The following ESRRG variants were observed in gnomAD, a reference collection of about 807,000 sequenced individuals.
ESRRG encodes the protein estrogen-related receptor gamma.
Under a neutral mutation model 44.0 loss-of-function variants are expected in ESRRG, and 13 were observed. The observed-to-expected ratio is 0.30, with a 90% CI of 0.19 to 0.47. The LOEUF (loss-of-function observed/expected upper bound fraction) is 0.47, where lower values mean the gene tolerates loss of function less well. Ranked by LOEUF, ESRRG falls within the 20% of genes least tolerant of loss-of-function variation. The pLI, the probability that ESRRG is intolerant of heterozygous loss-of-function variation, is 1.00. For synonymous variants in ESRRG, 215 were observed against 214.6 expected (o/e 1.00, Z -0.02); for missense variants, 395 against 580.6 (o/e 0.68, Z 3.29).
chr1:217,034,935 C>T (rs147494510), intron 1 of ESRRG, among the ~76,000 whole-genome samples: 166 of 152,244 alleles, frequency 1.1e-3, no homozygotes, highest in African/African-American at 3.7e-3. Flanking sequence ...TGGAAAATAA[C>T]GCCTTCTAGG....
chr1:217,005,452 C>T (rs747089985), intron 1 of ESRRG, among the ~76,000 whole-genome samples: 3 of 152,118 alleles, frequency 2.0e-5, no homozygotes, highest in Non-Finnish European at 4.4e-5. Flanking sequence ...ATTTCAATCA[C>T]AACTGTTGCT....
chr1:216,716,144 A>T (rs1575676939), intron 1 of ESRRG, among the ~76,000 whole-genome samples: 1 of 152,024 alleles, frequency 6.6e-6, no homozygotes, highest in East Asian at 1.9e-4. Context: ...CCACTTCTTC[A>T]AGTTTTTATT....
At chr1:216,591,125 C>T (rs368051848) in intron 3 of ESRRG, among the ~76,000 whole-genome samples, 2 of 152,152 alleles carry the variant, frequency 1.3e-5, no homozygotes, top group East Asian at 3.8e-4. Flanking sequence ...AGAATTAGGG[C>T]TGGTCACCAG....
intron 1 of ESRRG, among the ~76,000 whole-genome samples, chr1:217,131,496 TA>T (rs2092965790): frequency 6.6e-6 from 1 of 152,218 alleles, no homozygotes; most frequent in African/African-American, 2.4e-5. Context: ...AATCCAAACA[TA>T]TCTGGTTCAT....
intron 2 of ESRRG, among the ~76,000 whole-genome samples, chr1:216,939,032 A>G (rs2064668243): frequency 6.6e-6 from 1 of 152,190 alleles, no homozygotes; most frequent in Non-Finnish European, 1.5e-5. Flanking sequence ...AGATATCTCT[A>G]GAAAGAAATG....
intron 5 of ESRRG, among the ~76,000 whole-genome samples, chr1:216,537,630 A>T (rs884118): frequency 0.24 from 36,534 of 151,840 alleles, 5,445 homozygotes; most frequent in African/African-American, 0.42. Context: ...TTTAAGTGAG[A>T]TGGGAAGTCA....
chr1:216,839,874 A>T (rs1577114179), intron 2 of ESRRG, among the ~76,000 whole-genome samples: 1 of 152,226 alleles, frequency 6.6e-6, no homozygotes, highest in East Asian at 1.9e-4. Context: ...TTAGTAAACC[A>T]TTCTGTAAAC....
intron 1 of ESRRG, among the ~76,000 whole-genome samples, chr1:216,962,749 C>G (rs1188790441): frequency 1.3e-5 from 2 of 152,132 alleles, no homozygotes; most frequent in Non-Finnish European, 1.5e-5. Context: ...TAAAAAGACA[C>G]TGTATTTCAG....
intron 1 of ESRRG, among the ~76,000 whole-genome samples, chr1:216,943,884 G>T (rs890427077): frequency 2.6e-5 from 4 of 152,056 alleles, no homozygotes; most frequent in Non-Finnish European, 5.9e-5. Flanking sequence ...ATCTTGGGCA[G>T]GCACAGGATA....
At chr1:216,618,374 G>T (rs960189710) in intron 3 of ESRRG, among the ~76,000 whole-genome samples, 4 of 152,164 alleles carry the variant, frequency 2.6e-5, no homozygotes, top group African/African-American at 9.7e-5. Context: ...AGAATCAGGG[G>T]TTCAATCTAT....
intron 2 of ESRRG, among the ~76,000 whole-genome samples, chr1:216,783,565 G>T (rs746768142): frequency 6.6e-6 from 1 of 151,818 alleles, no homozygotes; most frequent in Non-Finnish European, 1.5e-5. Flanking sequence ...ATATCTTCTC[G>T]TGCTAAAAGA....
rs1487706353 is a variant in ESRRG at position 216,700,155 on chromosome 1, C to A, written c.57-22664G>T. Among the ~76,000 whole-genome samples, 3 of 151,168 alleles carry A rather than the reference C, an allele frequency of 2.0e-5. No individual in the cohort carries two copies. In the East Asian group the frequency reaches 5.8e-4, roughly 29 times the overall value. The stretch of plus-strand genomic sequence containing the variant: ...TTTTTTAACCTCACTAGCTTAGATA[C>A]CTCGCTTAACTATTAAGCGGGGAGT... On this transcript the variant is annotated intron_variant, in intron 1 of 6. Coordinates refer to ENST00000408911, the MANE Select transcript of ESRRG (RefSeq NM_001438.4).
intron 3 of ESRRG, among the ~76,000 whole-genome samples, chr1:216,588,089 A>G (rs1263922557): frequency 6.6e-6 from 1 of 152,170 alleles, no homozygotes. Context: ...GTACATTAAC[A>G]TGTATTCCCC....
At position 216,625,949 on chromosome 1, in the gene ESRRG, C is replaced by T. The variant is rs565301053; in HGVS notation, c.589+25024G>A. Among the ~76,000 whole-genome samples, 120 of 152,264 alleles carry T rather than the reference C, an allele frequency of 7.9e-4. No individual in the cohort carries two copies. The Middle Eastern group carries it at 0.01, about 13-fold the overall frequency. On this transcript the variant is annotated intron_variant, in intron 3 of 6. Transcript: ENST00000408911. ...TCCGTATGCCTTTCTCTCTCTGACT[C>T]CTCTCTCACTCCCTCTGTCTGTTTT...
chr1:217,089,036 A>G (rs2092266514), intron 1 of ESRRG, among the ~76,000 whole-genome samples: 1 of 152,032 alleles, frequency 6.6e-6, no homozygotes, highest in African/African-American at 2.4e-5. Context: ...AGCAGCAGCA[A>G]TCACCAGAAG....
At chr1:216,770,225 G>A (rs1189568660) in intron 2 of ESRRG, among the ~76,000 whole-genome samples, 1 of 152,026 alleles carries the variant, frequency 6.6e-6, no homozygotes, top group Non-Finnish European at 1.5e-5. Context: ...TAGGAAATCT[G>A]GTGGTCTATA....
upstream of ESRRG, among the ~76,000 whole-genome samples, chr1:216,723,742 T>G (rs1203571688): frequency 9.9e-5 from 15 of 152,074 alleles, no homozygotes; most frequent in Non-Finnish European, 1.6e-4. Flanking sequence ...TTTCTTTTTT[T>G]TTTCTTCTGG....
chr1:216,998,353 T>C (rs1305815476), intron 1 of ESRRG, among the ~76,000 whole-genome samples: 9 of 152,196 alleles, frequency 5.9e-5, no homozygotes, highest in Non-Finnish European at 1.2e-4. Context: ...AAATTTTGAA[T>C]GTTAACAACA....
intron 2 of ESRRG, among the ~76,000 whole-genome samples, chr1:216,791,488 C>G (rs140613045): frequency 6.6e-6 from 1 of 152,052 alleles, no homozygotes; most frequent in African/African-American, 2.4e-5. Flanking sequence ...TTTTTTATAG[C>G]AGTGCAGGAA....
Sources: gnomAD v4.1 joint callset for allele counts (sites outside exome capture counted in the v4.1 genomes callset) on GRCh38, gnomAD v4.1.1 for gene constraint, MANE v1.5 for transcripts, NCBI Gene and HGNC (gene_info 2026-07-23, HGNC 2026-07-21) for gene names.